PRKCA: variants seen among roughly 807,000 people sequenced by gnomAD.
PRKCA encodes the protein protein kinase C alpha type.
In PRKCA, 27 loss-of-function variants were observed where a neutral mutation model predicts 87.0. The ratio of observed to expected loss-of-function variants is 0.31; its 90% confidence interval spans 0.23 to 0.43. PRKCA has a LOEUF of 0.43. Ranked by LOEUF, PRKCA falls within the 20% of genes least tolerant of loss-of-function variation. The probability of loss-of-function intolerance (pLI) is 1.00; values close to 1 mark genes in which losing one functional copy is unlikely to be tolerated. For synonymous variants in PRKCA, 329 were observed against 311.1 expected, an observed-to-expected ratio of 1.06 and a Z score of -0.61; for missense variants, 518 against 852.3, an observed-to-expected ratio of 0.61 and a Z score of 4.88.
At chr17:66,657,375 G>T (rs754268976) in intron 5 of PRKCA, among the ~76,000 whole-genome samples, 28 of 152,186 alleles carry the variant, frequency 1.8e-4, no homozygotes, top group Non-Finnish European at 3.2e-4. Flanking sequence ...TTGCAGTGGG[G>T]GTGGTGAATT....
rs1203643672 is a variant in PRKCA, at chr17:66,652,657, G to A, written c.529+7146G>A. Among the ~76,000 whole-genome samples, 3 of 152,306 alleles carry A rather than the reference G, an allele frequency of 2.0e-5. No homozygotes were observed. In the East Asian group the frequency reaches 5.8e-4, roughly 29 times the overall value. On this transcript the variant is annotated intron_variant, in intron 5 of 16. Coordinates refer to ENST00000413366, the MANE Select transcript of PRKCA (RefSeq NM_002737.3). ...AGTGACTCTAGAAAGTGATATAGGT[G>A]TTCACTGTACTGTTCTTTCAACTTC...
At chr17:66,495,783 G>T (rs1916453446) in intron 2 of PRKCA, among the ~76,000 whole-genome samples, 1 of 151,966 alleles carries the variant, frequency 6.6e-6, no homozygotes, top group South Asian at 2.1e-4. Context: ...TGGCCAGGCT[G>T]CTCTTGAACT....
chr17:66,555,223 C>T (rs1170289230), intron 3 of PRKCA, among the ~76,000 whole-genome samples: 1 of 152,242 alleles, frequency 6.6e-6, no homozygotes, highest in Non-Finnish European at 1.5e-5. Context: ...TCTTTCTGTG[C>T]AGTCAGCACA....
intron 3 of PRKCA, among the ~76,000 whole-genome samples, chr17:66,640,289 C>G (rs1971254831): frequency 6.6e-6 from 1 of 152,190 alleles, no homozygotes; most frequent in Admixed American, 6.5e-5. Context: ...AATCTACGCT[C>G]TTTAACCACG....
intron 8 of PRKCA, among the ~76,000 whole-genome samples, chr17:66,714,643 G>A (rs1973428053): frequency 1.3e-5 from 2 of 152,256 alleles, no homozygotes; most frequent in African/African-American, 4.8e-5. Context: ...CCCGAGCTCT[G>A]ATCACTCCCT....
chr17:66,608,102 G>A (rs1031056407), intron 3 of PRKCA, among the ~76,000 whole-genome samples: 1 of 152,068 alleles, frequency 6.6e-6, no homozygotes, highest in Non-Finnish European at 1.5e-5. Flanking sequence ...GAAGCACACC[G>A]ATTGGAGCAC....
chr17:66,705,945 T>C (rs535619673), intron 8 of PRKCA, among the ~76,000 whole-genome samples: 4 of 152,304 alleles, frequency 2.6e-5, no homozygotes, highest in African/African-American at 7.2e-5. Context: ...GAATTAAGAT[T>C]GCCTGTCCCT....
chr17:66,765,357 G>T (rs889114799), intron 13 of PRKCA, among the ~76,000 whole-genome samples: 1 of 144,750 alleles, frequency 6.9e-6, no homozygotes, highest in South Asian at 2.2e-4. Context: ...AGGTTGCAGT[G>T]AGCCGAGATC....
chr17:66,730,925 G>T (rs1325442507), intron 8 of PRKCA, among the ~76,000 whole-genome samples: 1 of 152,196 alleles, frequency 6.6e-6, no homozygotes, highest in Non-Finnish European at 1.5e-5. Context: ...CTGATCCATA[G>T]TAAAGCCCCT....
chr17:66,350,530 TA>T (rs1257581229), intron 2 of PRKCA, among the ~76,000 whole-genome samples: 1 of 152,164 alleles, frequency 6.6e-6, no homozygotes, highest in African/African-American at 2.4e-5. Flanking sequence ...TTATTTTTTT[TA>T]ATCTTTTTTG....
intron 2 of PRKCA, among the ~76,000 whole-genome samples, chr17:66,495,171 T>A (rs1916417556): frequency 6.6e-6 from 1 of 152,110 alleles, no homozygotes; most frequent in Non-Finnish European, 1.5e-5. Flanking sequence ...TCCTTAGGAC[T>A]ATTTATCAAA....
chr17:66,720,857 T>C (rs1050287232), intron 8 of PRKCA, among the ~76,000 whole-genome samples: 1 of 152,202 alleles, frequency 6.6e-6, no homozygotes, highest in Non-Finnish European at 1.5e-5. Context: ...CTCCACACGT[T>C]GCAACTGTCT....
chr17:66,414,156 T>A (rs2143758020), intron 2 of PRKCA, among the ~76,000 whole-genome samples: 1 of 152,270 alleles, frequency 6.6e-6, no homozygotes, highest in African/African-American at 2.4e-5. Context: ...TGGATCTGCA[T>A]CCCCACCCAC....
chr17:66,479,075 CG>C (rs1437961757), intron 2 of PRKCA, among the ~76,000 whole-genome samples: 1 of 151,962 alleles, frequency 6.6e-6, no homozygotes, highest in African/African-American at 2.4e-5. Flanking sequence ...AACTATCAAC[CG>C]AGTAAACAAC....
chr17:66,471,617 T>C (rs962262182), intron 2 of PRKCA, among the ~76,000 whole-genome samples: 1 of 152,072 alleles, frequency 6.6e-6, no homozygotes, highest in African/African-American at 2.4e-5. Context: ...GTCTGACTAA[T>C]TTGGAAAATT....
chr17:66,307,635 G>T (rs889020585), intron 2 of PRKCA, among the ~76,000 whole-genome samples: 1 of 152,104 alleles, frequency 6.6e-6, no homozygotes, highest in African/African-American at 2.4e-5. Flanking sequence ...GTTCCTCTTA[G>T]ACCCGCTCAT....
At chr17:66,719,544 A>C (rs896337787) in intron 8 of PRKCA, among the ~76,000 whole-genome samples, 43 of 152,230 alleles carry the variant, frequency 2.8e-4, no homozygotes, top group Admixed American at 2.0e-3. Flanking sequence ...AGGTGGGTGG[A>C]TCACTTGAGG....
chr17:66,646,672 G>A (rs1971465542), intron 5 of PRKCA, among the ~76,000 whole-genome samples: 1 of 152,192 alleles, frequency 6.6e-6, no homozygotes, highest in Non-Finnish European at 1.5e-5. Context: ...AAAGGGGAAG[G>A]TGGGGACTTC....
At chr17:66,603,504 A>C (rs1244669301) in intron 3 of PRKCA, among the ~76,000 whole-genome samples, 2 of 152,136 alleles carry the variant, frequency 1.3e-5, no homozygotes, top group Admixed American at 6.5e-5. Flanking sequence ...CAAAGCGAGC[A>C]CTCGGAGATG....
Sources: gnomAD v4.1 joint callset for allele counts (sites outside exome capture counted in the v4.1 genomes callset) on GRCh38, gnomAD v4.1.1 for gene constraint, MANE v1.5 for transcripts, NCBI Gene and HGNC (gene_info 2026-07-23, HGNC 2026-07-21) for gene names.